Variants in PCDH15 observed in about 807,000 individuals in gnomAD.
PCDH15 encodes protocadherin related 15, also known as protocadherin-15.
PCDH15 carries 129 observed loss-of-function variants against 178.5 expected under a neutral mutation model. That is an observed-to-expected ratio of 0.72 (90% CI 0.63 to 0.84). The LOEUF (loss-of-function observed/expected upper bound fraction) is 0.84, where lower values mean the gene tolerates loss of function less well. Ranked by LOEUF, PCDH15 falls within the 40% of genes least tolerant of loss-of-function variation. The pLI is 0.00. For synonymous variants in PCDH15, 800 were observed against 732.0 expected (o/e 1.09, Z -1.50); for missense variants, 2,230 against 2,099.9 (o/e 1.06, Z -1.21).
At chr10:53,851,725 T>TAC (rs1205809209) in intron 28 of PCDH15, among the ~76,000 whole-genome samples, 14 of 113,924 alleles carry the variant, frequency 1.2e-4, no homozygotes, top group Non-Finnish European at 1.9e-4. Context: ...TATATATATT[T>TAC]ACACACACAC....
chr10:54,435,657 G>T (rs1315774816), intron 3 of PCDH15, among the ~76,000 whole-genome samples: 2 of 152,072 alleles, frequency 1.3e-5, no homozygotes, highest in Non-Finnish European at 2.9e-5. Context: ...ACACAGCACA[G>T]TGGAAAGGCA....
chr10:55,393,267 T>C (rs1255575419), intron 2 of PCDH15, among the ~76,000 whole-genome samples: 1 of 152,030 alleles, frequency 6.6e-6, no homozygotes, highest in Admixed American at 6.6e-5. Context: ...ATTCGGTAGA[T>C]CTGGAGGGGA....
chr10:54,639,576 T>C (rs2093945554), intron 2 of PCDH15, among the ~76,000 whole-genome samples: 1 of 152,164 alleles, frequency 6.6e-6, no homozygotes, highest in Non-Finnish European at 1.5e-5. Context: ...TGCCAAATGA[T>C]AAGGCAATAG....
At chr10:54,525,482 C>G (rs2083280775) in intron 3 of PCDH15, among the ~76,000 whole-genome samples, 1 of 152,120 alleles carries the variant, frequency 6.6e-6, no homozygotes, top group South Asian at 2.1e-4. Flanking sequence ...GACAGGATCT[C>G]ACTCTGCCAC....
intron 3 of PCDH15, among the ~76,000 whole-genome samples, chr10:54,810,912 T>C (rs1187937342): frequency 2.0e-5 from 3 of 152,062 alleles, no homozygotes; most frequent in Non-Finnish European, 4.4e-5. Context: ...TTAAACATAA[T>C]GGTAATATAA....
intron 23 of PCDH15, among the ~76,000 whole-genome samples, chr10:53,949,382 T>G (rs939136272): frequency 6.6e-6 from 1 of 152,268 alleles, no homozygotes; most frequent in Non-Finnish European, 1.5e-5. Context: ...TCTCTGCATA[T>G]GCATTTGTTT....
At chr10:54,436,013 A>G (rs2075365712) in intron 3 of PCDH15, among the ~76,000 whole-genome samples, 1 of 59,712 alleles carries the variant, frequency 1.7e-5, no homozygotes, top group Non-Finnish European at 3.6e-5. Flanking sequence ...AGAGGAGAGG[A>G]GAGGAGAGGA....
chr10:55,400,183 A>G lies in PCDH15; in HGVS notation c.-156+227442T>C, dbSNP rs1202643661. Among the ~76,000 whole-genome samples the G allele has an allele frequency of 4.6e-5, 7 of 152,226 alleles. No individual in the cohort carries two copies. The East Asian group carries it at 1.4e-3, about 29-fold the overall frequency. ...TGGGGTTGGATAAGGGTATGTGATT[A>G]ATTCTGGCCACTTGCAGGCTATAGC... On this transcript the variant is annotated intron_variant, in intron 2 of 5. Transcript: ENST00000613346.
intron 2 of PCDH15, among the ~76,000 whole-genome samples, chr10:55,429,880 T>A (rs1179923444): frequency 6.6e-6 from 1 of 152,204 alleles, no homozygotes; most frequent in Admixed American, 6.5e-5. Context: ...TCTGTTTACA[T>A]TTAATCTTTA....
chr10:54,912,906 T>C (rs1259759484), intron 2 of PCDH15, among the ~76,000 whole-genome samples: 1 of 152,142 alleles, frequency 6.6e-6, no homozygotes, highest in Non-Finnish European at 1.5e-5. Flanking sequence ...TAAAAGTCTC[T>C]CTTACCAGGC....
At chr10:55,367,190 C>T (rs1055357476) in intron 2 of PCDH15, among the ~76,000 whole-genome samples, 1 of 151,978 alleles carries the variant, frequency 6.6e-6, no homozygotes, top group Non-Finnish European at 1.5e-5. Context: ...TAAAAAAATG[C>T]ATGAATAGTT....
chr10:54,694,500 G>A (rs189726760), intron 1 of PCDH15, among the ~76,000 whole-genome samples: 139 of 152,032 alleles, frequency 9.1e-4, no homozygotes, highest in Non-Finnish European at 1.7e-3. Flanking sequence ...GAAGTTTTGT[G>A]GCAACCTGGT....
intron 27 of PCDH15, 116 bp from the exon 28 acceptor site, chr10:53,857,379 CA>C: frequency 1.3e-6 from 1 of 760,484 alleles, no homozygotes; most frequent in Non-Finnish European, 2.3e-6. Flanking sequence ...TTCTGATTTT[CA>C]AATTCAGGAA....
At chr10:54,389,461 A>G (rs1403927358) in intron 3 of PCDH15, among the ~76,000 whole-genome samples, 11 of 152,196 alleles carry the variant, frequency 7.2e-5, no homozygotes. Flanking sequence ...CGTCTAGTTG[A>G]TGCTGCTTGT....
chr10:55,144,143 T>C (rs1014154998), intron 2 of PCDH15, among the ~76,000 whole-genome samples: 3 of 152,072 alleles, frequency 2.0e-5, no homozygotes, highest in African/African-American at 7.2e-5. Context: ...AACTGAAAGA[T>C]TGTCAAAGCC....
intron 9 of PCDH15, among the ~76,000 whole-genome samples, chr10:54,223,648 G>A (rs1049831293): frequency 4.0e-5 from 6 of 150,938 alleles, no homozygotes; most frequent in African/African-American, 1.5e-4. Flanking sequence ...CCTACATATA[G>A]TAAATTGAAG....
At chr10:54,796,056 T>C (rs1294974242) in intron 1 of PCDH15, among the ~76,000 whole-genome samples, 3 of 151,924 alleles carry the variant, frequency 2.0e-5, no homozygotes, top group South Asian at 4.2e-4. Flanking sequence ...GGAATAGAAT[T>C]AAAGCTCAAT....
chr10:54,378,499 C>T (rs1327886806), intron 4 of PCDH15, among the ~76,000 whole-genome samples: 10 of 152,032 alleles, frequency 6.6e-5, no homozygotes, highest in Non-Finnish European at 1.5e-5. Context: ...GCTTGTCCTA[C>T]TTTGCCAAGG....
intron 6 of PCDH15, among the ~76,000 whole-genome samples, chr10:54,340,633 C>T (rs1330699448): frequency 6.6e-6 from 1 of 152,020 alleles, no homozygotes; most frequent in Admixed American, 6.6e-5. Flanking sequence ...AGTTTTAGAG[C>T]AGGAATGAAA....
Sources: gnomAD v4.1 joint callset for allele counts (sites outside exome capture counted in the v4.1 genomes callset) on GRCh38, gnomAD v4.1.1 for gene constraint, MANE v1.5 for transcripts, NCBI Gene and HGNC (gene_info 2026-07-23, HGNC 2026-07-21) for gene names.